The following CKM variants were observed in gnomAD, a reference collection of about 807,000 sequenced individuals.
CKM encodes creatine kinase M-type.
In CKM, 28 loss-of-function variants were observed where a neutral mutation model predicts 35.4. The ratio of observed to expected loss-of-function variants is 0.79; its 90% CI spans 0.59 to 1.08. The LOEUF is 1.08. Ranked by LOEUF, CKM falls within the 50% of genes least tolerant of loss-of-function variation. The pLI is 0.00. For missense variants in CKM, 484 were observed against 509.8 expected (o/e 0.95, Z 0.49); for synonymous variants, 215 against 204.4 (o/e 1.05, Z -0.44).
chr19:45,321,890 G>C (rs912433188), intron 1 of CKM, among the ~76,000 whole-genome samples: 6 of 152,144 alleles, frequency 3.9e-5, no homozygotes, highest in African/African-American at 1.4e-4. Context: ...TTGGGACCAC[G>C]GTGAGCTGAA....
intron 1 of CKM, among the ~76,000 whole-genome samples, chr19:45,322,272 A>C (rs1243781190): frequency 6.6e-6 from 1 of 151,762 alleles, no homozygotes; most frequent in Non-Finnish European, 1.5e-5. Context: ...CCACCACCGC[A>C]GACTCCCCAG....
chr19:45,319,485 AT>A (rs1454702980), intron 2 of CKM, 35 bp downstream of exon 2: 3 of 1,564,484 alleles, frequency 1.9e-6, no homozygotes, highest in Non-Finnish European at 2.6e-6. Flanking sequence ...CAGAGCCCCC[AT>A]GTAGCCCCTT....
chr19:45,317,886 C>T lies in CKM; in HGVS notation c.287G>A (p.Arg96His), dbSNP rs780576836. Residue 96 changes from arginine to histidine, a missense_variant, in exon 3 of 8, where the codon CGC becomes CAC. Coordinates refer to ENST00000221476, the MANE Select transcript of CKM (RefSeq NM_001824.5). Reference sequence around the variant, plus strand: ...GTCAGTGGGTTTGTAGCCCCCGTGGCGATCCGAGATGATGGGGTCAAAGAG... The same window carrying T: ...GTCAGTGGGTTTGTAGCCCCCGTGGTGATCCGAGATGATGGGGTCAAAGAG... The part of the protein sequence containing the change: ...KELFDPIISD[R>H]HGGYKPTDKH... 37 of 1,613,814 alleles carry T rather than the reference C, an allele frequency of 2.3e-5. No individual in the cohort carries two copies. Among genetic ancestry groups the T allele is most frequent in the Non-Finnish European group, 2.8e-5 (33 of 1,179,998 alleles).
intron 4 of CKM, among the ~76,000 whole-genome samples, chr19:45,312,328 G>C (rs1599816626): frequency 6.6e-6 from 1 of 152,192 alleles, no homozygotes; most frequent in African/African-American, 2.4e-5. Flanking sequence ...ACTGGCACGA[G>C]CCTGTAGTCC....
At chr19:45,308,250 G>A (rs1971073604) in intron 6 of CKM, among the ~76,000 whole-genome samples, 159 bp downstream of exon 6, 2 of 102,640 alleles carry the variant, frequency 1.9e-5, no homozygotes, top group Admixed American at 9.0e-5. Flanking sequence ...GCTAGTTTTG[G>A]GGGGCGGGGT....
In CKM at chr19:45,306,882, G is replaced by A. The variant is rs1326762616; in HGVS notation, c.1014C>T (p.Asn338=). 4 of 1,614,052 alleles carry A rather than the reference G, an allele frequency of 2.5e-6. No individual in the cohort carries two copies. Among genetic ancestry groups the A allele is most frequent in the South Asian group, 1.1e-5 (1 of 91,094 alleles). Residue 338 remains asparagine (N), a synonymous_variant, in exon 8 of 8, where the codon AAC becomes AAT. Coordinates refer to ENST00000221476, the MANE Select transcript of CKM (RefSeq NM_001824.5). The surrounding 1 kb of genome is among the most constrained non-coding windows in gnomAD (Gnocchi z 4.5). ...AAVGSVFDVS[N]ADRLGSSEVE... ...CTTCGGACGAGCCCAGCCGATCAGC[G>A]TTGGACACGTCAAATACTGAGCCCA...
rs1168096418 is a variant in CKM at position 45,306,546 on chromosome 19, G to A, written c.*204C>T. On this transcript the variant is annotated 3_prime_UTR_variant, in exon 8 of 8. Transcript: ENST00000221476. The surrounding 1 kb of genome is among the most constrained non-coding windows in gnomAD (Gnocchi z 4.5). ...GGGAAAAGAAGAGGACCCTGCCAGG[G>A]AGATATTTCATTGGCCAGAATCCAG... 9.9e-6 allele frequency: 6 copies of A among 608,208 alleles called. No individual in the cohort carries two copies. The highest frequency in any genetic ancestry group is 5.8e-5 in the Admixed American group (2 of 34,462). 37.7% of individuals were successfully genotyped at this position (608,208 alleles called of 1,614,324 possible).
chr19:45,308,354 CAGGTGGGGCGTTCA>C (rs1485370075), intron 6 of CKM, 41 bp downstream of exon 6: 1 of 1,610,816 alleles, frequency 6.2e-7, no homozygotes, highest in Non-Finnish European at 8.5e-7. Context: ...CCTCGGAAAG[CAGGTGGGGCGTTCA>C]AGGTGGAGTC....
chr19:45,319,446 G>T, intron 2 of CKM, 75 bp downstream of exon 2: 5 of 1,184,648 alleles, frequency 4.2e-6, no homozygotes, highest in South Asian at 1.2e-5. Context: ...CTTCAAGGGT[G>T]GTGGGATTGG....
chr19:45,315,661 T>G, intron 3 of CKM, 64 bp from the exon 4 acceptor site: 1 of 1,580,172 alleles, frequency 6.3e-7, no homozygotes, highest in Middle Eastern at 1.7e-4. Flanking sequence ...AGCCCAGGTC[T>G]CCCCCAGATG....
chr19:45,319,243 C>T (rs1366867714), intron 2 of CKM, among the ~76,000 whole-genome samples: 3 of 152,178 alleles, frequency 2.0e-5, no homozygotes, highest in Non-Finnish European at 4.4e-5. Flanking sequence ...ACAACGTGGG[C>T]GCCCATTTTT....
At chr19:45,319,812 A>T (rs1416620317) in intron 1 of CKM, 81 bp from the exon 2 acceptor site, 228 of 1,173,872 alleles carry the variant, frequency 1.9e-4, no homozygotes, top group Middle Eastern at 2.9e-4. Context: ...TTTTTTTGAG[A>T]CGGAGTCTCG....
At chr19:45,321,063 A>ATTTTTT (rs35089528) in intron 1 of CKM, among the ~76,000 whole-genome samples, 7 of 142,674 alleles carry the variant, frequency 4.9e-5, no homozygotes, top group African/African-American at 1.8e-4. Flanking sequence ...ACACCTGGCT[A>ATTTTTT]TTTTTTTTTT....
At chr19:45,311,320 G>A (rs1010731973) in intron 5 of CKM, among the ~76,000 whole-genome samples, 3 of 151,278 alleles carry the variant, frequency 2.0e-5, no homozygotes, top group Non-Finnish European at 4.4e-5. Context: ...TGCAACCTCC[G>A]CCACCTGGGT....
At position 45,312,525 on chromosome 19, in the gene CKM, C is replaced by T. The variant is rs113265957; in HGVS notation, c.482-605G>A. ...GCCACCTCCGTCTCCCGGGTTCAAG[C>T]GAATCTCTTGCCTCAGCCTCTCAAG... On this transcript the variant is annotated intron_variant, in intron 4 of 7. Coordinates refer to ENST00000221476, the MANE Select transcript of CKM (RefSeq NM_001824.5). Among the ~76,000 whole-genome samples, 214 of 151,910 alleles carry T rather than the reference C, an allele frequency of 1.4e-3. 1 individual carries two copies. Among genetic ancestry groups the T allele is most frequent in the African/African-American group, 5.1e-3 (210 of 41,476 alleles).
rs925212603 is a variant in CKM at position 45,310,775 on chromosome 19, T to A, written c.653+974A>T. On this transcript the variant is annotated intron_variant, in intron 5 of 7. Coordinates refer to ENST00000221476, the MANE Select transcript of CKM (RefSeq NM_001824.5). ...CACGCCTGGCTTTTTTTTTTTTTTT[T>A]TTTTTTTTTTTTTTTTGAGACGGAG... is the stretch of plus-strand genomic sequence containing the variant. Among the ~76,000 whole-genome samples the A allele has an allele frequency of 7.8e-3, 980 of 125,436 alleles. 14 individuals are homozygous for A. The highest frequency in any genetic ancestry group is 0.027 in the African/African-American group (871 of 32,580). 82.3% of individuals were successfully genotyped at this position (125,436 alleles called of 152,430 possible).
intron 1 of CKM, among the ~76,000 whole-genome samples, chr19:45,320,960 G>A (rs6509208): frequency 0.45 from 67,745 of 151,526 alleles, 17,047 homozygotes; most frequent in African/African-American, 0.67. Flanking sequence ...GAGTGCAGTG[G>A]CATAATCTCA....
rs1168435782 is a variant in CKM at position 45,308,511 on chromosome 19, G to T, written c.675C>A (p.Phe225Leu). Residue 225 changes from phenylalanine (F) to leucine (L), a missense_variant, in exon 6 of 8, where the codon TTC (phenylalanine) becomes TTA (leucine). Coordinates refer to ENST00000221476, the MANE Select transcript of CKM (RefSeq NM_001824.5). ...GATCCTCCTCGTTCACCCACACCAGGAAGCTCTTGTTGTCATTGTGCCTAG... is the reference window on the plus strand; with the variant it reads ...GATCCTCCTCGTTCACCCACACCAGTAAGCTCTTGTTGTCATTGTGCCTAG... ...RGIWHNDNKS[F>L]LVWVNEEDHL... 6.2e-7 allele frequency: 1 copy of T among 1,614,112 alleles called. No homozygotes were observed. Among genetic ancestry groups the T allele is most frequent in the South Asian group, 1.1e-5 (1 of 91,090 alleles).
chr19:45,314,227 G>A (rs927094632), intron 4 of CKM, among the ~76,000 whole-genome samples: 3 of 152,054 alleles, frequency 2.0e-5, no homozygotes, highest in African/African-American at 7.2e-5. Flanking sequence ...AACCTTGAAC[G>A]ACAACCGCCC....
Sources: allele counts gnomAD v4.1 joint callset (sites outside exome capture counted in the v4.1 genomes callset), GRCh38; gene constraint gnomAD v4.1.1; non-coding constraint Gnocchi (gnomAD v3.1); transcripts MANE v1.5; gene names NCBI Gene and HGNC (gene_info 2026-07-23, HGNC 2026-07-21).